ADGRG7: variants seen among roughly 807,000 people sequenced by gnomAD.
The protein encoded by ADGRG7 is G-protein coupled receptor 128.
Under a neutral mutation model 88.6 loss-of-function variants are expected in ADGRG7, and 82 were observed. The ratio of observed to expected loss-of-function variants is 0.93; its 90% CI spans 0.77 to 1.11. The LOEUF (loss-of-function observed/expected upper bound fraction) is 1.11. ADGRG7 is among the 50% of genes most tolerant of loss of function. ADGRG7 has a pLI of 0.00. For synonymous variants in ADGRG7, 381 were observed against 345.2 expected (o/e 1.10, Z -1.15); for missense variants, 945 against 953.4 (o/e 0.99, Z 0.12).
At chr3:100,692,762 A>G (rs1409297311) in intron 15 of ADGRG7, among the ~76,000 whole-genome samples, 2 of 152,164 alleles carry the variant, frequency 1.3e-5, no homozygotes, top group African/African-American at 4.8e-5. Flanking sequence ...AGTGTTTTGT[A>G]AAATGGATCT....
At chr3:100,673,980 A>C (rs907936857) in intron 15 of ADGRG7, among the ~76,000 whole-genome samples, 1 of 152,098 alleles carries the variant, frequency 6.6e-6, no homozygotes, top group Non-Finnish European at 1.5e-5. Flanking sequence ...TTGATGTTAC[A>C]GTGTCAATCT....
rs1559666902 is a variant in ADGRG7, at chr3:100,611,302, T to TC, written c.115+1331_115+1332insC. ...TTCCTTCCTTCCTTCCTTCCTTCCT[T>TC]TCTTCTTTCCTTCCTTCCTTCCTTC... On this transcript the variant is annotated intron_variant, in intron 1 of 15. Coordinates refer to ENST00000273352, the MANE Select transcript of ADGRG7 (RefSeq NM_032787.3). Among the ~76,000 whole-genome samples, 292 of 118,572 alleles carry TC rather than the reference T, an allele frequency of 2.5e-3. 1 individual carries two copies. The highest frequency in any genetic ancestry group is 3.4e-3 in the Non-Finnish European group (200 of 59,306). The allele number at this position is 118,572 out of a possible 152,430, so 77.8% of individuals were successfully genotyped here.
Position 100,646,084 on chromosome 3 carries a change from T to C in ADGRG7, c.1086T>C (p.Ser362=). The C allele has an allele frequency of 6.2e-7, 1 of 1,613,910 alleles. No individual in the cohort carries two copies. The highest frequency in any genetic ancestry group is 8.5e-7 in the Non-Finnish European group (1 of 1,179,946). ...TDENEQDQSA[S]VDMVFSPKYN... ...AAAATGAGCAAGATCAGAGTGCTTC[T>C]GTTGACATGGTCTTTAGTCCAAAGG... is the stretch of plus-strand genomic sequence containing the variant. Residue 362 remains serine, a synonymous_variant, in exon 9 of 16, where the codon TCT becomes TCC. Transcript: ENST00000273352.
chr3:100,648,775 C>A (rs969524764), intron 10 of ADGRG7, among the ~76,000 whole-genome samples: 1 of 147,130 alleles, frequency 6.8e-6, no homozygotes, highest in African/African-American at 2.4e-5. Context: ...GAATACATTG[C>A]TTTTCTAATT....
intron 13 of ADGRG7, among the ~76,000 whole-genome samples, chr3:100,656,387 T>A (rs1206821288): frequency 6.6e-6 from 1 of 152,194 alleles, no homozygotes; most frequent in Non-Finnish European, 1.5e-5. Context: ...ATCAATCAAG[T>A]GTGAAAACAT....
At chr3:100,693,904 C>A (rs1467882718) in intron 15 of ADGRG7, among the ~76,000 whole-genome samples, 1 of 152,182 alleles carries the variant, frequency 6.6e-6, no homozygotes, top group Non-Finnish European at 1.5e-5. Flanking sequence ...CTATGATACA[C>A]TTTGCAGTCA....
At chr3:100,616,745 C>T (rs1298183806) in intron 1 of ADGRG7, among the ~76,000 whole-genome samples, 1 of 152,162 alleles carries the variant, frequency 6.6e-6, no homozygotes, top group Non-Finnish European at 1.5e-5. Context: ...CCCTTGAGCC[C>T]AGGAGATGGA....
chr3:100,628,184 G>C (rs1157602500), intron 1 of ADGRG7, among the ~76,000 whole-genome samples: 2 of 152,040 alleles, frequency 1.3e-5, no homozygotes, highest in Non-Finnish European at 2.9e-5. Flanking sequence ...AGTGCCCTTA[G>C]TGGAAATACT....
intron 15 of ADGRG7, among the ~76,000 whole-genome samples, chr3:100,677,377 T>C (rs1489403530): frequency 6.6e-6 from 1 of 152,056 alleles, no homozygotes; most frequent in Non-Finnish European, 1.5e-5. Context: ...AACTTTTTGT[T>C]TTTTCTATTT....
At chr3:100,644,577 C>T (rs562081639) in intron 8 of ADGRG7, among the ~76,000 whole-genome samples, 1 of 152,176 alleles carries the variant, frequency 6.6e-6, no homozygotes, top group African/African-American at 2.4e-5. Flanking sequence ...TACAGTTGCA[C>T]CTGAAGCCCT....
intron 5 of ADGRG7, 85 bp downstream of exon 5, chr3:100,635,911 A>T: frequency 1.0e-6 from 1 of 978,234 alleles, no homozygotes; most frequent in Non-Finnish European, 1.5e-6. Context: ...CCTGAATACC[A>T]CTCCTTATTC....
intron 15 of ADGRG7, among the ~76,000 whole-genome samples, chr3:100,673,736 C>A (rs780336637): frequency 1.3e-5 from 2 of 152,152 alleles, no homozygotes; most frequent in Non-Finnish European, 2.9e-5. Flanking sequence ...GGATTACAGG[C>A]GTGAGCCACC....
intron 1 of ADGRG7, among the ~76,000 whole-genome samples, chr3:100,624,801 C>T (rs1041598004): frequency 6.6e-6 from 1 of 152,022 alleles, no homozygotes; most frequent in Admixed American, 6.6e-5. Context: ...GAATCCTTTC[C>T]CTATTGCTTG....
chr3:100,635,572 A>G, intron 4 of ADGRG7, 105 bp from the exon 5 acceptor site: 1 of 1,524,066 alleles, frequency 6.6e-7, no homozygotes, highest in East Asian at 2.3e-5. Context: ...GGTGTTCAGG[A>G]GATTGAGGCT....
intron 15 of ADGRG7, among the ~76,000 whole-genome samples, chr3:100,690,197 G>C (rs1268954291): frequency 2.6e-5 from 4 of 152,178 alleles, no homozygotes; most frequent in Admixed American, 2.6e-4. Flanking sequence ...TCATCACGTA[G>C]TTCTCGTGCC....
At chr3:100,665,869 A>G (rs1023452053) in intron 14 of ADGRG7, among the ~76,000 whole-genome samples, 1 of 152,218 alleles carries the variant, frequency 6.6e-6, no homozygotes, top group African/African-American at 2.4e-5. Context: ...AGTTATAATG[A>G]CAAGCAGACT....
At chr3:100,628,446 C>T (rs1707413253) in intron 1 of ADGRG7, among the ~76,000 whole-genome samples, 1 of 151,850 alleles carries the variant, frequency 6.6e-6, no homozygotes, top group South Asian at 2.1e-4. Flanking sequence ...GCAACCTCCG[C>T]CTCCCAGGTT....
At chr3:100,629,053 T>C (rs376021927) in intron 1 of ADGRG7, among the ~76,000 whole-genome samples, 2 of 152,212 alleles carry the variant, frequency 1.3e-5, no homozygotes, top group Non-Finnish European at 2.9e-5. Flanking sequence ...AATTCTTCTC[T>C]GTTCCTTAGA....
intron 1 of ADGRG7, among the ~76,000 whole-genome samples, chr3:100,628,774 T>C (rs932928360): frequency 1.1e-4 from 16 of 152,236 alleles, no homozygotes; most frequent in African/African-American, 3.9e-4. Flanking sequence ...TTCTCAGGTA[T>C]GCTTCCTGAA....
Sources: allele counts gnomAD v4.1 joint callset (sites outside exome capture counted in the v4.1 genomes callset), GRCh38; gene constraint gnomAD v4.1.1; transcripts MANE v1.5; gene names NCBI Gene and HGNC (gene_info 2026-07-23, HGNC 2026-07-21).